The following UNC5D variants were observed in gnomAD, a reference collection of about 807,000 sequenced individuals.
The protein encoded by UNC5D is unc-5 netrin receptor D, also known as netrin receptor UNC5D.
UNC5D carries 39 observed loss-of-function variants against 105.4 expected under a neutral mutation model. The observed-to-expected ratio is 0.37, with a 90% CI of 0.29 to 0.48. The LOEUF is 0.48. UNC5D is among the 20% of genes least tolerant of loss of function. The pLI is 0.98. For synonymous variants in UNC5D, 452 were observed against 450.4 expected, an observed-to-expected ratio of 1.00 and a Z score of -0.04; for missense variants, 991 against 1,202.4, an observed-to-expected ratio of 0.82 and a Z score of 2.60.
At chr8:35,610,512 G>T (rs1224847042) in intron 4 of UNC5D, among the ~76,000 whole-genome samples, 2 of 152,126 alleles carry the variant, frequency 1.3e-5, no homozygotes, top group African/African-American at 4.8e-5. Context: ...ATTTTTGGAG[G>T]CCGAGGGGGA....
chr8:35,598,524 T>C (rs185474707), intron 4 of UNC5D, among the ~76,000 whole-genome samples: 5 of 152,296 alleles, frequency 3.3e-5, no homozygotes, highest in Admixed American at 3.3e-4. Flanking sequence ...AGCTACCACT[T>C]GATCCAGCAA....
At chr8:35,733,755 G>T (rs927366717) in intron 11 of UNC5D, among the ~76,000 whole-genome samples, 1 of 152,176 alleles carries the variant, frequency 6.6e-6, no homozygotes, top group South Asian at 2.1e-4. Context: ...AGTGGAACTG[G>T]TATGTTAAAT....
At chr8:35,447,285 G>A (rs1807859903) in intron 1 of UNC5D, among the ~76,000 whole-genome samples, 1 of 152,052 alleles carries the variant, frequency 6.6e-6, no homozygotes, top group African/African-American at 2.4e-5. Flanking sequence ...TTGAATTGAT[G>A]TAATTTAACT....
chr8:35,754,676 CTAAA>C (rs1830434464), intron 13 of UNC5D, among the ~76,000 whole-genome samples: 1 of 152,166 alleles, frequency 6.6e-6, no homozygotes, highest in Non-Finnish European at 1.5e-5. Flanking sequence ...ATTTCAGTAT[CTAAA>C]TAGGGACATT....
intron 1 of UNC5D, among the ~76,000 whole-genome samples, chr8:35,287,877 T>C (rs1273216424): frequency 6.6e-6 from 1 of 151,998 alleles, no homozygotes; most frequent in Non-Finnish European, 1.5e-5. Flanking sequence ...AAAGAATCAG[T>C]GAGTTCAAAT....
rs1809791681 is a variant in UNC5D at position 35,472,319 on chromosome 8, T to C, written c.104-76973T>C. On this transcript the variant is annotated intron_variant, in intron 1 of 16. Coordinates refer to ENST00000404895, the MANE Select transcript of UNC5D (RefSeq NM_080872.4). Reference sequence around the variant, plus strand: ...AGTTTAGGAGAATAGGCCACAATAATGGTGTGATGAGTGACTTCTGGAGAA... The same window carrying C: ...AGTTTAGGAGAATAGGCCACAATAACGGTGTGATGAGTGACTTCTGGAGAA... Among the ~76,000 whole-genome samples, 6 of 152,070 alleles carry C rather than the reference T, an allele frequency of 3.9e-5. No individual in the cohort carries two copies. The South Asian group carries it at 1.2e-3, about 32-fold the overall frequency.
chr8:35,737,182 T>G (rs1829512175), intron 11 of UNC5D, among the ~76,000 whole-genome samples: 1 of 152,082 alleles, frequency 6.6e-6, no homozygotes, highest in Admixed American at 6.6e-5. Flanking sequence ...AAATCCATTC[T>G]CTAATCCCCA....
intron 1 of UNC5D, among the ~76,000 whole-genome samples, chr8:35,426,894 A>G (rs941322873): frequency 2.0e-5 from 3 of 152,172 alleles, no homozygotes; most frequent in African/African-American, 7.2e-5. Flanking sequence ...GCATTCATTT[A>G]CCAAATTAAA....
At chr8:35,402,150 G>A (rs1229018149) in intron 1 of UNC5D, among the ~76,000 whole-genome samples, 1 of 152,098 alleles carries the variant, frequency 6.6e-6, no homozygotes, top group Non-Finnish European at 1.5e-5. Context: ...TATAGAAGAT[G>A]TAATCTTTAT....
intron 1 of UNC5D, among the ~76,000 whole-genome samples, chr8:35,340,005 G>C (rs750648331): frequency 3.3e-5 from 5 of 152,096 alleles, no homozygotes; most frequent in Non-Finnish European, 7.4e-5. Context: ...TTAATTCAGA[G>C]CTAGTTTTAA....
chr8:35,359,241 T>A (rs917428391), intron 1 of UNC5D, among the ~76,000 whole-genome samples: 1 of 152,240 alleles, frequency 6.6e-6, no homozygotes, highest in South Asian at 2.1e-4. Flanking sequence ...TGCTGTGTGT[T>A]CTTGTTTTAA....
intron 1 of UNC5D, among the ~76,000 whole-genome samples, chr8:35,452,056 G>A (rs1808188201): frequency 6.6e-6 from 1 of 152,090 alleles, no homozygotes; most frequent in Admixed American, 6.6e-5. Flanking sequence ...AGCTTTGTAT[G>A]AATAAGGCAG....
intron 1 of UNC5D, among the ~76,000 whole-genome samples, chr8:35,333,331 A>G (rs189663387): frequency 2.2e-4 from 33 of 152,264 alleles, no homozygotes; most frequent in Admixed American, 2.2e-3. Context: ...TGAAAAATAA[A>G]GGAAAAGAAA....
chr8:35,693,466 G>A (rs1826546890), intron 7 of UNC5D, among the ~76,000 whole-genome samples: 1 of 152,060 alleles, frequency 6.6e-6, no homozygotes, highest in Admixed American at 6.6e-5. Flanking sequence ...GTTTATGATG[G>A]ATGCGTATTT....
intron 1 of UNC5D, among the ~76,000 whole-genome samples, chr8:35,483,988 C>G (rs928034103): frequency 6.6e-6 from 1 of 152,158 alleles, no homozygotes; most frequent in Non-Finnish European, 1.5e-5. Flanking sequence ...AGATGAGGGG[C>G]TTCTGAACTG....
intron 1 of UNC5D, among the ~76,000 whole-genome samples, chr8:35,527,690 A>G (rs953865153): frequency 3.9e-5 from 6 of 152,020 alleles, no homozygotes; most frequent in Non-Finnish European, 8.8e-5. Flanking sequence ...CTACAGGCAT[A>G]TACTACCACA....
intron 1 of UNC5D, among the ~76,000 whole-genome samples, chr8:35,496,583 G>A (rs1811610541): frequency 6.6e-6 from 1 of 151,932 alleles, no homozygotes; most frequent in African/African-American, 2.4e-5. Context: ...GAGAAGGAAG[G>A]GAGTCACGCG....
At chr8:35,498,961 A>C (rs1811797796) in intron 1 of UNC5D, among the ~76,000 whole-genome samples, 1 of 152,108 alleles carries the variant, frequency 6.6e-6, no homozygotes, top group Admixed American at 6.5e-5. Context: ...TGAAAATGGA[A>C]CCCAACCAAT....
intron 1 of UNC5D, among the ~76,000 whole-genome samples, chr8:35,542,902 C>A (rs1363241045): frequency 6.6e-6 from 1 of 152,078 alleles, no homozygotes; most frequent in Non-Finnish European, 1.5e-5. Context: ...GTTTGTCCAC[C>A]CAGTGATGAT....
Sources: allele counts gnomAD v4.1 joint callset (sites outside exome capture counted in the v4.1 genomes callset), GRCh38; gene constraint gnomAD v4.1.1; transcripts MANE v1.5; gene names NCBI Gene and HGNC (gene_info 2026-07-23, HGNC 2026-07-21).